MZT1: variants seen among roughly 807,000 people sequenced by gnomAD.
MZT1 encodes mitotic-spindle organizing protein 1.
In MZT1, 8 loss-of-function variants were observed where a neutral mutation model predicts 8.5. The observed-to-expected ratio is 0.94, with a 90% confidence interval of 0.55 to 1.70. MZT1 has a LOEUF of 1.70. MZT1 is among the 40% of genes most tolerant of loss of function. The pLI is 0.00. For missense variants in MZT1, 93 were observed against 108.6 expected (o/e 0.86, Z 0.64); for synonymous variants, 38 against 42.0 (o/e 0.90, Z 0.37).
At chr13:72,720,410 A>T (rs1237856220) in intron 1 of MZT1, among the ~76,000 whole-genome samples, 2 of 152,202 alleles carry the variant, frequency 1.3e-5, no homozygotes, top group African/African-American at 4.8e-5. Context: ...AACAAATTCC[A>T]ACTGGATTCT....
chr13:72,714,577 A>G (rs4885031), intron 2 of MZT1, among the ~76,000 whole-genome samples: 137,981 of 152,278 alleles, frequency 0.91, 63,700 homozygotes, highest in Non-Finnish European at 0.99. Flanking sequence ...AGGCCCTGAG[A>G]ACTAGGATAG....
At chr13:72,727,485 G>A (rs773795636) in intron 1 of MZT1, 39 bp downstream of exon 1, 3 of 1,601,532 alleles carry the variant, frequency 1.9e-6, no homozygotes, top group South Asian at 2.2e-5. Flanking sequence ...TTGGCTCTGG[G>A]AAGGCACGCA....
chr13:72,710,160 C>T lies in MZT1; in HGVS notation c.*162G>A, dbSNP rs887603276. 3 of 654,424 alleles carry T rather than the reference C, an allele frequency of 4.6e-6. No homozygotes were observed. Among genetic ancestry groups the T allele is most frequent in the Non-Finnish European group, 7.9e-6 (3 of 379,332 alleles). The allele number at this position is 654,424 out of a possible 1,614,324, so 40.5% of individuals were successfully genotyped here. ...ATCTGATAGTTCTCTCTGTAAGCCACTTTCCACTGATTTATAAAGCTATGG... is the reference window on the plus strand; with the variant it reads ...ATCTGATAGTTCTCTCTGTAAGCCATTTTCCACTGATTTATAAAGCTATGG... On this transcript the variant is annotated 3_prime_UTR_variant, in exon 3 of 3. Transcript: ENST00000377818.
rs545591848 is a variant in MZT1, at chr13:72,721,839, G to A, written c.80-2742C>T. 5.3e-5 allele frequency among the ~76,000 whole-genome samples: 8 copies of A among 152,224 alleles called. No homozygotes were observed. The South Asian group carries it at 1.7e-3, about 32-fold the overall frequency. On this transcript the variant is annotated intron_variant, in intron 1 of 2. Coordinates refer to ENST00000377818, the MANE Select transcript of MZT1 (RefSeq NM_001071775.3). The stretch of plus-strand genomic sequence containing the variant: ...AATCTAATCTCTGTTACTCCATCTT[G>A]GCTGGAAGATGACAGCTCTTCCCAT...
Position 72,719,109 on chromosome 13 carries a change from T to TAAA in MZT1, c.80-13_80-12insTTT. ...AATCTCAAGCAGAACTGAAAAAAGA[T>TAAA]ACAAAAAAAAAAAAAACTTAAGGCT... is the stretch of plus-strand genomic sequence containing the variant. On this transcript the variant is annotated splice_polypyrimidine_tract_variant and intron_variant, in intron 1 of 2. Transcript: ENST00000377818. 3.0e-6 allele frequency: 4 copies of TAAA among 1,338,044 alleles called. No homozygotes were observed. The highest frequency in any genetic ancestry group is 4.0e-5 in the South Asian group (2 of 50,340). The allele number at this position is 1,338,044 out of a possible 1,614,324, so 82.9% of individuals were successfully genotyped here. A position where few individuals can be genotyped will look rare whatever the true frequency, so the allele number is the denominator to read the frequency against.
At chr13:72,717,695 C>T (rs909032710) in intron 2 of MZT1, among the ~76,000 whole-genome samples, 1 of 152,058 alleles carries the variant, frequency 6.6e-6, no homozygotes, top group Non-Finnish European at 1.5e-5. Context: ...ATAAATGTTC[C>T]CCATTTCCAT....
At chr13:72,718,836 G>C in intron 2 of MZT1, 116 bp downstream of exon 2, 1 of 954,820 alleles carries the variant, frequency 1.0e-6, no homozygotes, top group South Asian at 2.0e-5. Context: ...GTCTTCTAGT[G>C]GTGTTGCATG....
rs1275752025 is a variant in MZT1, at chr13:72,708,701, A to G, written c.*1621T>C. The G allele has an allele frequency of 3.9e-5, 6 of 152,166 alleles. No homozygotes were observed. The highest frequency in any genetic ancestry group is 3.9e-4 in the Admixed American group (6 of 15,266). 9.4% of individuals were successfully genotyped at this position (152,166 alleles called of 1,614,324 possible). A position where few individuals can be genotyped will look rare whatever the true frequency, so the allele number is the denominator to read the frequency against. Reference sequence around the variant, plus strand: ...ATAGTATTTGTAGTGTTGATTATAAATCAAATGACTTTTTACAAATTCCTA... The same window carrying G: ...ATAGTATTTGTAGTGTTGATTATAAGTCAAATGACTTTTTACAAATTCCTA... On this transcript the variant is annotated 3_prime_UTR_variant, in exon 3 of 3. Transcript: ENST00000377818.
At chr13:72,717,307 G>T (rs1397183507) in intron 2 of MZT1, among the ~76,000 whole-genome samples, 1 of 150,072 alleles carries the variant, frequency 6.7e-6, no homozygotes, top group Non-Finnish European at 1.5e-5. Flanking sequence ...TCCAACAATA[G>T]AACACAATTC....
intron 2 of MZT1, among the ~76,000 whole-genome samples, chr13:72,718,150 C>T (rs1266032059): frequency 6.6e-6 from 1 of 152,230 alleles, no homozygotes; most frequent in East Asian, 1.9e-4. Context: ...TGCTCTCTGA[C>T]AGCTCTAGGG....
Position 72,710,351 on chromosome 13 carries a change from A to T in MZT1, c.226-6T>A, listed in dbSNP as rs751596847. On this transcript the variant is annotated splice_region_variant and splice_polypyrimidine_tract_variant and intron_variant, in intron 2 of 2. Transcript: ENST00000377818. ...CTTGTCATATTTTCAGCAGCCTAGA[A>T]CAAGAAAGTAAGATTCATTACAATA... 1.9e-6 allele frequency: 3 copies of T among 1,613,002 alleles called. No individual in the cohort carries two copies. In the African/African-American group the frequency reaches 4.0e-5, roughly 22 times the overall value.
intron 1 of MZT1, among the ~76,000 whole-genome samples, chr13:72,726,236 C>G (rs1027462635): frequency 3.3e-5 from 5 of 152,126 alleles, no homozygotes; most frequent in African/African-American, 1.2e-4. Flanking sequence ...TCGAGACCAA[C>G]CTGGCCAACA....
At chr13:72,712,856 A>G (rs564813625) in intron 2 of MZT1, among the ~76,000 whole-genome samples, 3 of 152,330 alleles carry the variant, frequency 2.0e-5, no homozygotes, top group African/African-American at 7.2e-5. Context: ...TTCCCTTTCA[A>G]ATTCAAGCAC....
intron 1 of MZT1, among the ~76,000 whole-genome samples, chr13:72,725,022 C>T (rs554362035): frequency 2.7e-5 from 4 of 146,680 alleles, no homozygotes; most frequent in South Asian, 2.2e-4. Context: ...GCCAAGGTCG[C>T]GCCACTGCAC....
At chr13:72,717,587 C>T (rs2032548427) in intron 2 of MZT1, among the ~76,000 whole-genome samples, 1 of 152,152 alleles carries the variant, frequency 6.6e-6, no homozygotes. Context: ...GATCCACCCA[C>T]CTTGGTGTCC....
intron 1 of MZT1, among the ~76,000 whole-genome samples, chr13:72,720,907 A>T (rs1021584015): frequency 2.1e-5 from 3 of 144,956 alleles, no homozygotes; most frequent in Non-Finnish European, 3.0e-5. Context: ...AAACAAACAA[A>T]CAAAAATAGC....
chr13:72,726,228 G>A (rs1262870744), intron 1 of MZT1, among the ~76,000 whole-genome samples: 1 of 152,108 alleles, frequency 6.6e-6, no homozygotes, highest in East Asian at 1.9e-4. Context: ...TCAGGAGTTC[G>A]AGACCAACCT....
At chr13:72,721,189 A>C (rs2032590253) in intron 1 of MZT1, among the ~76,000 whole-genome samples, 1 of 152,162 alleles carries the variant, frequency 6.6e-6, no homozygotes, top group African/African-American at 2.4e-5. Context: ...TTATAATGAG[A>C]TACCGTTATC....
intron 1 of MZT1, among the ~76,000 whole-genome samples, chr13:72,723,975 G>A (rs2032614849): frequency 6.6e-6 from 1 of 152,210 alleles, no homozygotes; most frequent in South Asian, 2.1e-4. Context: ...TCAAAAGTGA[G>A]TAGAAATCAA....
Sources: gnomAD v4.1 joint callset for allele counts (sites outside exome capture counted in the v4.1 genomes callset) on GRCh38, gnomAD v4.1.1 for gene constraint, MANE v1.5 for transcripts, NCBI Gene and HGNC (gene_info 2026-07-23, HGNC 2026-07-21) for gene names.